Variants in STX8 observed in about 807,000 individuals in gnomAD.
The protein encoded by STX8 is syntaxin-8.
Under a neutral mutation model 37.5 loss-of-function variants are expected in STX8, and 23 were observed. That is an observed-to-expected ratio of 0.61 (90% CI 0.44 to 0.87). The LOEUF is 0.87. Among genes scored for constraint, STX8 ranks in the 40% least tolerant of loss-of-function variants. STX8 has a pLI of 0.00. For synonymous variants in STX8, 115 were observed against 99.1 expected, an observed-to-expected ratio of 1.16 and a Z score of -0.95; for missense variants, 313 against 284.7, an observed-to-expected ratio of 1.10 and a Z score of -0.71.
intron 6 of STX8, 98 bp downstream of exon 6, chr17:9,491,731 C>G: frequency 9.4e-7 from 1 of 1,063,882 alleles, no homozygotes; most frequent in Non-Finnish European, 1.4e-6. Context: ...CATTAAACCA[C>G]TTTACATGTT....
At chr17:9,301,628 G>A (rs942555937) in intron 7 of STX8, among the ~76,000 whole-genome samples, 1 of 150,394 alleles carries the variant, frequency 6.6e-6, no homozygotes, top group Non-Finnish European at 1.5e-5. Flanking sequence ...GACTACAGGC[G>A]CCTGCCACTA....
At chr17:9,452,006 T>A (rs932112846) in intron 6 of STX8, among the ~76,000 whole-genome samples, 6 of 152,236 alleles carry the variant, frequency 3.9e-5, no homozygotes, top group African/African-American at 4.8e-5. Flanking sequence ...TCTCTTAATA[T>A]AAAGTGCATG....
At chr17:9,465,584 T>C (rs948255749) in intron 6 of STX8, among the ~76,000 whole-genome samples, 2 of 152,182 alleles carry the variant, frequency 1.3e-5, no homozygotes, top group African/African-American at 2.4e-5. Flanking sequence ...ATCACAGGTG[T>C]GCAGGATCAC....
chr17:9,475,070 A>G (rs762270846), intron 6 of STX8, among the ~76,000 whole-genome samples: 5 of 152,216 alleles, frequency 3.3e-5, no homozygotes, highest in African/African-American at 1.2e-4. Flanking sequence ...GACCTGGTAA[A>G]AAAATGCAAA....
At chr17:9,403,631 T>A (rs958909635) in intron 6 of STX8, among the ~76,000 whole-genome samples, 1 of 151,492 alleles carries the variant, frequency 6.6e-6, no homozygotes, top group African/African-American at 2.4e-5. Flanking sequence ...CCAGCAAAGT[T>A]GAACATCACT....
At chr17:9,394,795 C>G (rs1157801023) in intron 6 of STX8, among the ~76,000 whole-genome samples, 1 of 151,886 alleles carries the variant, frequency 6.6e-6, no homozygotes, top group Non-Finnish European at 1.5e-5. Context: ...TGGCCAGGCA[C>G]AGTGGCTCAT....
At chr17:9,499,922 G>A (rs16958354) in intron 5 of STX8, among the ~76,000 whole-genome samples, 2,478 of 152,212 alleles carry the variant, frequency 0.016, 68 homozygotes, top group African/African-American at 0.056. Context: ...CACCTTCTCC[G>A]GGACGAGCAT....
intron 6 of STX8, among the ~76,000 whole-genome samples, chr17:9,485,592 T>G (rs911155904): frequency 7.9e-5 from 4 of 50,428 alleles, no homozygotes; most frequent in Non-Finnish European, 1.1e-4. Flanking sequence ...TGTTTTTTGG[T>G]TTTTTTTTTT....
At position 9,494,010 on chromosome 17, in the gene STX8, T is replaced by G. The variant is rs1906975815; in HGVS notation, c.449-2089A>C. On this transcript the variant is annotated intron_variant, in intron 5 of 7. Transcript: ENST00000306357. ...TATGTTTTGTTTTTTTTTGTTTTGT[T>G]TTTTTGTTGTTGTTGTTGTTTTTGA... Among the ~76,000 whole-genome samples, 14 of 151,304 alleles carry G rather than the reference T, an allele frequency of 9.3e-5. 1 individual carries two copies. The highest frequency in any genetic ancestry group is 5.9e-4 in the Admixed American group (9 of 15,178).
Position 9,289,673 on chromosome 17 carries a change from G to A in STX8, c.644-39028C>T, listed in dbSNP as rs1314844748. Among the ~76,000 whole-genome samples, 7 of 151,822 alleles carry A rather than the reference G, an allele frequency of 4.6e-5. No individual in the cohort carries two copies. In the East Asian group the frequency reaches 5.8e-4, roughly 13 times the overall value. ...CGGGCGCCTGTAGTCCCAGCTACTC[G>A]GGAGGCTGAGGCAGGAGAATGGCAT... On this transcript the variant is annotated intron_variant, in intron 7 of 7. Transcript: ENST00000306357.
At chr17:9,345,992 C>T (rs891558565) in intron 7 of STX8, among the ~76,000 whole-genome samples, 4 of 151,744 alleles carry the variant, frequency 2.6e-5, no homozygotes, top group African/African-American at 9.7e-5. Context: ...GCTGGAATTA[C>T]AGGCACACGC....
intron 6 of STX8, among the ~76,000 whole-genome samples, chr17:9,392,696 T>C (rs538011151): frequency 1.3e-5 from 2 of 152,208 alleles, no homozygotes; most frequent in East Asian, 3.9e-4. Flanking sequence ...ACAAAAAATA[T>C]AGAGAAGAAC....
At chr17:9,474,139 G>T (rs1038108042) in intron 6 of STX8, among the ~76,000 whole-genome samples, 16 of 152,138 alleles carry the variant, frequency 1.1e-4, no homozygotes, top group African/African-American at 3.9e-4. Context: ...CAGGAGTTGG[G>T]GGACAAGGAG....
At chr17:9,266,135 C>G (rs1428453759) in intron 7 of STX8, among the ~76,000 whole-genome samples, 1 of 152,142 alleles carries the variant, frequency 6.6e-6, no homozygotes, top group Non-Finnish European at 1.5e-5. Flanking sequence ...TTAGAAATAA[C>G]ACATTACAAA....
At chr17:9,301,602 C>G (rs1327366855) in intron 7 of STX8, among the ~76,000 whole-genome samples, 2 of 151,940 alleles carry the variant, frequency 1.3e-5, no homozygotes, top group African/African-American at 2.4e-5. Context: ...CCTGCTTCAG[C>G]CTCCCGAGTA....
rs544276492 is a variant in STX8 at position 9,465,233 on chromosome 17, T to C, written c.541+26596A>G. 4.1e-4 allele frequency among the ~76,000 whole-genome samples: 63 copies of C among 152,274 alleles called. No individual in the cohort carries two copies. In the South Asian group the frequency reaches 0.013, roughly 31 times the overall value. Reference sequence around the variant, plus strand: ...ACTGAGGAAATGTCAGGCATGTTATTTTCAGAGTGATTTAAACAGCTCTAG... The same window carrying C: ...ACTGAGGAAATGTCAGGCATGTTATCTTCAGAGTGATTTAAACAGCTCTAG... On this transcript the variant is annotated intron_variant, in intron 6 of 7. Transcript: ENST00000306357.
chr17:9,260,455 C>T (rs1906971391), intron 7 of STX8, among the ~76,000 whole-genome samples: 1 of 152,140 alleles, frequency 6.6e-6, no homozygotes, highest in Admixed American at 6.5e-5. Flanking sequence ...GAAACCCTGT[C>T]TCTACTAAAA....
chr17:9,541,223 G>C (rs1457652246), intron 4 of STX8, among the ~76,000 whole-genome samples: 1 of 152,186 alleles, frequency 6.6e-6, no homozygotes, highest in Non-Finnish European at 1.5e-5. Context: ...GAATTAACAT[G>C]AGATTGTTCA....
At chr17:9,397,968 A>G (rs1436855321) in intron 6 of STX8, among the ~76,000 whole-genome samples, 1 of 146,690 alleles carries the variant, frequency 6.8e-6, no homozygotes, top group Non-Finnish European at 1.5e-5. Context: ...AGCCTGGGGG[A>G]CAGAGTGAGA....
Sources: gnomAD v4.1 joint callset for allele counts (sites outside exome capture counted in the v4.1 genomes callset) on GRCh38, gnomAD v4.1.1 for gene constraint, MANE v1.5 for transcripts, NCBI Gene and HGNC (gene_info 2026-07-23, HGNC 2026-07-21) for gene names.